The following NTM variants were observed in gnomAD, a reference collection of about 807,000 sequenced individuals.
NTM encodes IgLON family member 2.
NTM carries 13 observed loss-of-function variants against 42.1 expected under a neutral mutation model. That is an observed-to-expected ratio of 0.31 (90% CI 0.20 to 0.49). The LOEUF (loss-of-function observed/expected upper bound fraction) is 0.49. NTM is among the 20% of genes least tolerant of loss of function. NTM has a pLI of 0.99. For synonymous variants in NTM, 187 were observed against 179.2 expected (o/e 1.04, Z -0.35); for missense variants, 373 against 452.8 (o/e 0.82, Z 1.60).
At chr11:132,059,916 G>C (rs752643265) in intron 2 of NTM, among the ~76,000 whole-genome samples, 5 of 152,092 alleles carry the variant, frequency 3.3e-5, no homozygotes, top group Admixed American at 6.5e-5. Flanking sequence ...TCCTGCAATG[G>C]GTTCTCTGGA....
chr11:132,323,628 A>G (rs200987820), intron 7 of NTM, among the ~76,000 whole-genome samples: 1 of 151,422 alleles, frequency 6.6e-6, no homozygotes, highest in Non-Finnish European at 1.5e-5. Flanking sequence ...TCCTTCTGAA[A>G]TTATTCTAAT....
chr11:131,482,850 A>T (rs1953754389), intron 1 of NTM, among the ~76,000 whole-genome samples: 2 of 152,198 alleles, frequency 1.3e-5, no homozygotes, highest in Non-Finnish European at 1.5e-5. Flanking sequence ...AGAATGAGAA[A>T]GTAAAATTCA....
At chr11:132,067,140 T>C (rs1281576513) in intron 2 of NTM, among the ~76,000 whole-genome samples, 3 of 152,092 alleles carry the variant, frequency 2.0e-5, no homozygotes, top group Non-Finnish European at 4.4e-5. Context: ...ATTTTTGTAT[T>C]TTATAGGGTT....
intron 2 of NTM, among the ~76,000 whole-genome samples, chr11:132,103,922 C>T (rs577259310): frequency 6.6e-6 from 1 of 152,350 alleles, no homozygotes; most frequent in East Asian, 1.9e-4. Context: ...TGGCCTTCAT[C>T]AGCAGACCTA....
intron 4 of NTM, among the ~76,000 whole-genome samples, chr11:132,242,255 G>C (rs1160359428): frequency 6.6e-6 from 1 of 152,172 alleles, no homozygotes; most frequent in African/African-American, 2.4e-5. Flanking sequence ...CCGCTCTCCA[G>C]AGAGTCCCCA....
chr11:131,758,628 T>C (rs2083667312), intron 1 of NTM, among the ~76,000 whole-genome samples: 2 of 152,004 alleles, frequency 1.3e-5, no homozygotes, highest in South Asian at 4.2e-4. Flanking sequence ...ACTTTCACTG[T>C]GTTGCCCAGG....
intron 1 of NTM, among the ~76,000 whole-genome samples, chr11:131,665,062 C>T (rs904725156): frequency 1.3e-4 from 20 of 152,110 alleles, no homozygotes; most frequent in Non-Finnish European, 2.4e-4. Flanking sequence ...GCTCTAAATG[C>T]CATCTGTGTT....
At chr11:131,583,465 G>T (rs1235619294) in intron 1 of NTM, among the ~76,000 whole-genome samples, 2 of 152,172 alleles carry the variant, frequency 1.3e-5, no homozygotes, top group African/African-American at 2.4e-5. Context: ...TAAACAAACT[G>T]CTGTAATTGG....
chr11:131,642,619 G>A (rs770596879), intron 1 of NTM, among the ~76,000 whole-genome samples: 8 of 152,134 alleles, frequency 5.3e-5, no homozygotes, highest in Non-Finnish European at 7.4e-5. Flanking sequence ...ATTCCCTGAT[G>A]CCTGTCCAGA....
At chr11:131,614,218 G>C (rs911502069) in intron 1 of NTM, among the ~76,000 whole-genome samples, 4 of 152,252 alleles carry the variant, frequency 2.6e-5, no homozygotes, top group African/African-American at 9.6e-5. Flanking sequence ...CCTCTAAAGA[G>C]GGACCGTGAG....
chr11:132,298,688 T>A (rs1203616075), intron 4 of NTM, among the ~76,000 whole-genome samples: 2 of 152,250 alleles, frequency 1.3e-5, no homozygotes, highest in Admixed American at 1.3e-4. Context: ...ATGAAGCTAA[T>A]TATTATTCCC....
chr11:132,160,900 G>A (rs571888899), intron 3 of NTM, among the ~76,000 whole-genome samples: 6 of 152,312 alleles, frequency 3.9e-5, no homozygotes, highest in Admixed American at 3.9e-4. Flanking sequence ...TGAGAGGAGA[G>A]ACCCGAGAGG....
At chr11:131,667,981 ACTT>A (rs2069382054) in intron 1 of NTM, among the ~76,000 whole-genome samples, 2 of 152,130 alleles carry the variant, frequency 1.3e-5, no homozygotes, top group Non-Finnish European at 2.9e-5. Context: ...TGTGCAATCC[ACTT>A]CTGGTGCCTT....
chr11:132,329,243 T>C (rs547326459), intron 7 of NTM, among the ~76,000 whole-genome samples: 1 of 152,318 alleles, frequency 6.6e-6, no homozygotes, highest in South Asian at 2.1e-4. Context: ...TTTAGTGCCA[T>C]TTTCCGTCCT....
intron 1 of NTM, among the ~76,000 whole-genome samples, chr11:131,606,480 T>G (rs184256041): frequency 8.2e-4 from 125 of 152,316 alleles, no homozygotes; most frequent in Non-Finnish European, 1.4e-3. Context: ...AGATGCTGAG[T>G]GATTCCTCAT....
At chr11:131,971,752 A>G (rs200592823) in intron 2 of NTM, among the ~76,000 whole-genome samples, 1 of 68,928 alleles carries the variant, frequency 1.5e-5, no homozygotes, top group Non-Finnish European at 3.3e-5. Flanking sequence ...AAAAAAAAGA[A>G]AAAAAAAAAT....
intron 1 of NTM, among the ~76,000 whole-genome samples, chr11:131,448,785 G>A (rs1489303642): frequency 1.3e-5 from 2 of 152,252 alleles, no homozygotes; most frequent in African/African-American, 2.4e-5. Flanking sequence ...CAACCAACAG[G>A]CCAGTGATGT....
Position 132,301,277 on chromosome 11 carries a change from C to T in NTM, c.527-6412C>T, listed in dbSNP as rs139835679. 6.6e-4 allele frequency among the ~76,000 whole-genome samples: 100 copies of T among 152,276 alleles called. 2 individuals are homozygous for T. Among genetic ancestry groups the T allele is most frequent in the African/African-American group, 2.0e-3 (85 of 41,560 alleles). On this transcript the variant is annotated intron_variant, in intron 4 of 8. Transcript: ENST00000683400. ...GATCTTGTGAGAACTAACTCACTATCATGAGAACGGGATGGGGGAAACCAC... is the reference window on the plus strand; with the variant it reads ...GATCTTGTGAGAACTAACTCACTATTATGAGAACGGGATGGGGGAAACCAC...
At chr11:132,060,390 T>G (rs912473223) in intron 2 of NTM, among the ~76,000 whole-genome samples, 1 of 152,204 alleles carries the variant, frequency 6.6e-6, no homozygotes, top group East Asian at 1.9e-4. Context: ...AAGTCTGCCC[T>G]AGAGTAAAGT....
Sources: allele counts gnomAD v4.1 joint callset (sites outside exome capture counted in the v4.1 genomes callset), GRCh38; gene constraint gnomAD v4.1.1; transcripts MANE v1.5; gene names NCBI Gene and HGNC (gene_info 2026-07-23, HGNC 2026-07-21).